The following ADAM32 variants were observed in gnomAD, a reference collection of about 807,000 sequenced individuals.
ADAM32 encodes the protein disintegrin and metalloproteinase domain-containing protein 32.
ADAM32 carries 89 observed loss-of-function variants against 114.9 expected under a neutral mutation model. The observed-to-expected ratio is 0.77, with a 90% CI of 0.65 to 0.92. The LOEUF is 0.92. Ranked by LOEUF, ADAM32 falls within the 40% of genes least tolerant of loss-of-function variation. The pLI, the probability that ADAM32 is intolerant of heterozygous loss-of-function variation, is 0.00. For synonymous variants in ADAM32, 285 were observed against 307.5 expected (o/e 0.93, Z 0.77); for missense variants, 870 against 932.8 (o/e 0.93, Z 0.88).
intron 11 of ADAM32, among the ~76,000 whole-genome samples, chr8:39,197,602 C>T (rs1442770892): frequency 1.3e-5 from 2 of 151,878 alleles, no homozygotes; most frequent in Non-Finnish European, 2.9e-5. Context: ...ATTCGTTTAC[C>T]TTTCATGTAT....
At chr8:39,279,462 T>C (rs1285621918) in intron 22 of ADAM32, among the ~76,000 whole-genome samples, 1 of 152,218 alleles carries the variant, frequency 6.6e-6, no homozygotes, top group Non-Finnish European at 1.5e-5. Context: ...TTTTGTAGTT[T>C]TAGTAGAGAC....
intron 11 of ADAM32, among the ~76,000 whole-genome samples, chr8:39,202,934 G>C (rs1807531905): frequency 1.4e-5 from 1 of 73,382 alleles, no homozygotes; most frequent in South Asian, 5.0e-4. Flanking sequence ...CCATGTAGTT[G>C]GGTGGTTTTG....
chr8:39,266,461 C>T (rs941447044), intron 19 of ADAM32, among the ~76,000 whole-genome samples: 6 of 152,140 alleles, frequency 3.9e-5, no homozygotes, highest in African/African-American at 1.4e-4. Flanking sequence ...TGTTATAATG[C>T]TTTCAGTTGC....
chr8:39,211,773 C>G (rs969805876), intron 12 of ADAM32, among the ~76,000 whole-genome samples: 3 of 152,018 alleles, frequency 2.0e-5, no homozygotes, highest in African/African-American at 7.2e-5. Context: ...TAGGGAAACC[C>G]TGAAAATATA....
intron 3 of ADAM32, among the ~76,000 whole-genome samples, chr8:39,143,068 G>A (rs1451030523): frequency 6.6e-6 from 1 of 152,158 alleles, no homozygotes; most frequent in Non-Finnish European, 1.5e-5. Flanking sequence ...GGTCATTTAA[G>A]TTCTTCTCTA....
chr8:39,189,202 A>C (rs868540068), intron 11 of ADAM32, among the ~76,000 whole-genome samples: 1 of 152,294 alleles, frequency 6.6e-6, no homozygotes, highest in Middle Eastern at 3.4e-3. Context: ...TGAAAATACT[A>C]AGACTTAGAT....
intron 19 of ADAM32, among the ~76,000 whole-genome samples, chr8:39,270,227 G>C (rs1585691198): frequency 1.3e-5 from 2 of 152,162 alleles, no homozygotes; most frequent in Non-Finnish European, 2.9e-5. Flanking sequence ...TGCCATGCAT[G>C]GTGTTCAAGA....
At chr8:39,281,246 C>A (rs960198052) in intron 23 of ADAM32, 72 bp downstream of exon 23, 3 of 912,394 alleles carry the variant, frequency 3.3e-6, no homozygotes, top group Non-Finnish European at 4.5e-6. Flanking sequence ...TGATAATTCA[C>A]AAATAATTGC....
intron 11 of ADAM32, among the ~76,000 whole-genome samples, chr8:39,194,774 G>A (rs1411780252): frequency 1.3e-5 from 2 of 152,142 alleles, no homozygotes; most frequent in African/African-American, 4.8e-5. Context: ...GCAGACTTCA[G>A]GTACGACAGT....
At chr8:39,149,444 C>T (rs952859057) in intron 4 of ADAM32, among the ~76,000 whole-genome samples, 2 of 152,092 alleles carry the variant, frequency 1.3e-5, no homozygotes, top group Non-Finnish European at 2.9e-5. Flanking sequence ...TTTTTAGCAT[C>T]ATATTAATTG....
At chr8:39,256,807 G>C (rs1811672955) in intron 18 of ADAM32, among the ~76,000 whole-genome samples, 1 of 151,980 alleles carries the variant, frequency 6.6e-6, no homozygotes. Context: ...AGAAAAATAA[G>C]ATATACACAA....
chr8:39,166,475 T>A (rs914602124), intron 9 of ADAM32: 4 of 152,224 alleles, frequency 2.6e-5, no homozygotes, highest in Non-Finnish European at 4.4e-5. Flanking sequence ...ATTTTGCAAT[T>A]GTGAATTGTG....
intron 10 of ADAM32, among the ~76,000 whole-genome samples, chr8:39,178,038 G>A (rs4590406): frequency 0.96 from 145,840 of 152,068 alleles, 70,263 homozygotes; most frequent in East Asian, 1. Flanking sequence ...GGTTCTCTGG[G>A]TTTCCTGAAT....
At chr8:39,107,668 C>G, upstream of ADAM32, 1 of 1,532,088 alleles carries the variant, frequency 6.5e-7, no homozygotes, top group Non-Finnish European at 8.8e-7. Context: ...CCGGAGAACG[C>G]TGTCCCATGA....
Position 39,165,142 on chromosome 8 carries a change from AAT to A in ADAM32, c.780_781del (p.Trp261GlufsTer6), listed in dbSNP as rs1228959776. 6.2e-7 allele frequency: 1 copy of A among 1,601,942 alleles called. No homozygotes were observed. ...GATGAATTATTGCAAAAATTTTTAGAATGGAAACAATCTTATCTTAACCTAAG... is the reference window on the plus strand; with the variant it reads ...GATGAATTATTGCAAAAATTTTTAGAGGAAACAATCTTATCTTAACCTAAG... On this transcript the variant is annotated frameshift_variant, in exon 9 of 25. Transcript: ENST00000379907. LOFTEE classifies it high-confidence loss of function.
At chr8:39,219,397 C>A (rs2129448701) in intron 12 of ADAM32, among the ~76,000 whole-genome samples, 1 of 152,266 alleles carries the variant, frequency 6.6e-6, no homozygotes, top group South Asian at 2.1e-4. Flanking sequence ...GTACTCCAGC[C>A]CATGGTGGTG....
chr8:39,225,229 G>C (rs1809275368), intron 14 of ADAM32, among the ~76,000 whole-genome samples: 1 of 152,190 alleles, frequency 6.6e-6, no homozygotes, highest in South Asian at 2.1e-4. Flanking sequence ...CAGTCTCAGA[G>C]ACAGTGCAGC....
chr8:39,143,222 T>C (rs910651036), intron 3 of ADAM32, among the ~76,000 whole-genome samples: 1 of 152,228 alleles, frequency 6.6e-6, no homozygotes, highest in Non-Finnish European at 1.5e-5. Flanking sequence ...CTCGTCAAAC[T>C]CATTCTCCGT....
intron 16 of ADAM32, among the ~76,000 whole-genome samples, chr8:39,240,925 T>C (rs535240058): frequency 3.1e-4 from 47 of 152,226 alleles, no homozygotes; most frequent in African/African-American, 1.1e-3. Context: ...CAACATAAAC[T>C]CAAAAGTCTA....
Sources: gnomAD v4.1 joint callset for allele counts (sites outside exome capture counted in the v4.1 genomes callset) on GRCh38, gnomAD v4.1.1 for gene constraint, MANE v1.5 for transcripts, NCBI Gene and HGNC (gene_info 2026-07-23, HGNC 2026-07-21) for gene names.